The following SNTG2 variants were observed in gnomAD, a reference collection of about 807,000 sequenced individuals.
The protein encoded by SNTG2 is syntrophin gamma 2, also known as gamma-2-syntrophin.
A neutral mutation model predicts 70.9 loss-of-function variants in SNTG2; 74 were observed. The observed-to-expected ratio is 1.04, with a 90% CI of 0.86 to 1.27. SNTG2 has a LOEUF of 1.27. Ranked by LOEUF, SNTG2 falls within the 50% of genes most tolerant of loss-of-function variation. The pLI is 0.00. For missense variants in SNTG2, 717 were observed against 690.7 expected, an observed-to-expected ratio of 1.04 and a Z score of -0.43; for synonymous variants, 278 against 273.8, an observed-to-expected ratio of 1.02 and a Z score of -0.15.
chr2:1,127,637 C>G (rs1379125352), intron 4 of SNTG2, among the ~76,000 whole-genome samples: 2 of 151,922 alleles, frequency 1.3e-5, no homozygotes, highest in Non-Finnish European at 2.9e-5. Flanking sequence ...ATCAGTGTTT[C>G]ATAGTTTTCC....
intron 14 of SNTG2, among the ~76,000 whole-genome samples, chr2:1,280,674 T>C (rs548472074): frequency 8.9e-4 from 136 of 152,340 alleles, no homozygotes; most frequent in Non-Finnish European, 1.1e-3. Context: ...TTAAATCCTC[T>C]CTGTAGTGTA....
At chr2:982,414 C>T (rs546607854) in intron 1 of SNTG2, among the ~76,000 whole-genome samples, 45 of 152,298 alleles carry the variant, frequency 3.0e-4, no homozygotes, top group African/African-American at 1.1e-3. Context: ...ACGGAGGACA[C>T]GGGCATGTCC....
intron 1 of SNTG2, among the ~76,000 whole-genome samples, chr2:986,952 AAC>A (rs1661344247): frequency 6.6e-6 from 1 of 152,258 alleles, no homozygotes; most frequent in Non-Finnish European, 1.5e-5. Flanking sequence ...ATATTTGAGT[AAC>A]ACATTCGATT....
In SNTG2 at chr2:1,221,467, C is replaced by G. The variant is rs867890893; in HGVS notation, c.719+12237C>G. Among the ~76,000 whole-genome samples, 83 of 33,156 alleles carry G rather than the reference C, an allele frequency of 2.5e-3. 1 individual carries two copies. The highest frequency in any genetic ancestry group is 0.014 in the East Asian group (4 of 288). The allele number at this position is 33,156 out of a possible 152,430, so 21.8% of individuals were successfully genotyped here. ...TGTCTCTGTCTCTCTCTGTCTCTGT[C>G]TCTCTGTCTCTCTCTCTCTCTGTCT... On this transcript the variant is annotated intron_variant, in intron 9 of 16. Coordinates refer to ENST00000308624, the MANE Select transcript of SNTG2 (RefSeq NM_018968.4).
intron 2 of SNTG2, among the ~76,000 whole-genome samples, chr2:1,096,501 C>T (rs1319082988): frequency 2.6e-5 from 4 of 152,086 alleles, no homozygotes; most frequent in East Asian, 1.9e-4. Flanking sequence ...CCTGAACGCC[C>T]CTGGTAAACA....
At chr2:1,190,652 C>A (rs1672539313) in intron 8 of SNTG2, among the ~76,000 whole-genome samples, 1 of 150,138 alleles carries the variant, frequency 6.7e-6, no homozygotes, top group South Asian at 2.1e-4. Context: ...TAAAGGACAG[C>A]AAAATAGAAA....
At chr2:1,361,257 A>G (rs1661126915) in intron 16 of SNTG2, among the ~76,000 whole-genome samples, 1 of 152,214 alleles carries the variant, frequency 6.6e-6, no homozygotes, top group East Asian at 1.9e-4. Flanking sequence ...CAACAATAAG[A>G]AAATTTACAT....
chr2:1,351,301 T>C (rs1660558565), intron 16 of SNTG2, among the ~76,000 whole-genome samples: 1 of 152,114 alleles, frequency 6.6e-6, no homozygotes, highest in Admixed American at 6.5e-5. Flanking sequence ...GATTCAGAGT[T>C]GTTTGCACAA....
chr2:1,178,029 C>A (rs1172918935), intron 8 of SNTG2, among the ~76,000 whole-genome samples: 1 of 151,996 alleles, frequency 6.6e-6, no homozygotes, highest in Non-Finnish European at 1.5e-5. Flanking sequence ...ACACTTCTGG[C>A]ATGATATCAA....
chr2:1,014,951 T>G (rs1572223047), intron 1 of SNTG2, among the ~76,000 whole-genome samples: 2 of 150,238 alleles, frequency 1.3e-5, no homozygotes, highest in Non-Finnish European at 1.5e-5. Flanking sequence ...CCTTGAGGGG[T>G]GGAGGGGGAG....
intron 1 of SNTG2, among the ~76,000 whole-genome samples, chr2:1,081,325 C>T (rs1664280858): frequency 6.6e-6 from 1 of 152,176 alleles, no homozygotes; most frequent in South Asian, 2.1e-4. Flanking sequence ...GGTGAGAACG[C>T]ACATCAAAGT....
chr2:1,145,524 A>T (rs1432242664), intron 6 of SNTG2, among the ~76,000 whole-genome samples: 1 of 152,240 alleles, frequency 6.6e-6, no homozygotes, highest in African/African-American at 2.4e-5. Flanking sequence ...TGCAGTCTAG[A>T]TTGGCCTACA....
chr2:1,117,141 G>A (rs186144715), intron 4 of SNTG2, among the ~76,000 whole-genome samples: 18 of 152,144 alleles, frequency 1.2e-4, no homozygotes, highest in East Asian at 1.9e-4. Flanking sequence ...GCTCTGGTGC[G>A]TGGGTGCTTT....
chr2:1,157,947 C>T (rs1471455625), intron 6 of SNTG2, among the ~76,000 whole-genome samples: 2 of 152,216 alleles, frequency 1.3e-5, no homozygotes, highest in Non-Finnish European at 2.9e-5. Flanking sequence ...TTAAAAGTCT[C>T]ATTGCTCTAG....
At chr2:1,232,741 A>G (rs1009967346) in intron 9 of SNTG2, among the ~76,000 whole-genome samples, 1 of 152,382 alleles carries the variant, frequency 6.6e-6, no homozygotes, top group South Asian at 2.1e-4. Context: ...ATTGTACTAA[A>G]AAATAATATA....
intron 7 of SNTG2, 73 bp downstream of exon 7, chr2:1,165,708 A>G (rs910990799): frequency 2.4e-6 from 3 of 1,240,078 alleles, no homozygotes; most frequent in Non-Finnish European, 1.2e-6. Context: ...TCCAAATGCT[A>G]CCACATGGAC....
chr2:1,168,254 C>A (rs1482896361), intron 7 of SNTG2, among the ~76,000 whole-genome samples: 1 of 148,598 alleles, frequency 6.7e-6, no homozygotes, highest in Non-Finnish European at 1.5e-5. Flanking sequence ...AGCCTACAGG[C>A]CGCCCACAGA....
intron 14 of SNTG2, among the ~76,000 whole-genome samples, chr2:1,291,565 G>A (rs545171441): frequency 1.8e-4 from 28 of 152,274 alleles, no homozygotes; most frequent in African/African-American, 5.5e-4. Flanking sequence ...TTTGCAAATG[G>A]ATATCCAGTT....
chr2:1,065,318 A>G (rs1411172211), intron 1 of SNTG2, among the ~76,000 whole-genome samples: 1 of 152,148 alleles, frequency 6.6e-6, no homozygotes, highest in African/African-American at 2.4e-5. Flanking sequence ...GGGTGACCAT[A>G]TAGTTAATTG....
Sources: gnomAD v4.1 joint callset for allele counts (sites outside exome capture counted in the v4.1 genomes callset) on GRCh38, gnomAD v4.1.1 for gene constraint, MANE v1.5 for transcripts, NCBI Gene and HGNC (gene_info 2026-07-23, HGNC 2026-07-21) for gene names.